The following TRIM61 variants were observed in gnomAD, a reference collection of about 807,000 sequenced individuals.
TRIM61 encodes tripartite motif containing 61.
In TRIM61, 1 loss-of-function variant was observed where a neutral mutation model predicts 14.2. The ratio of observed to expected loss-of-function variants is 0.07; its 90% CI spans 0.03 to 0.33. The LOEUF (loss-of-function observed/expected upper bound fraction) is 0.33. Ranked by LOEUF, TRIM61 falls within the 10% of genes least tolerant of loss-of-function variation. TRIM61 has a pLI of 0.99. For missense variants in TRIM61, 19 were observed against 202.2 expected (o/e 0.09, Z 5.49); for synonymous variants, 8 against 71.6 (o/e 0.11, Z 4.49).
At chr4:164,957,611 A>C in intron 3 of TRIM61, 1 of 1,138,706 alleles carries the variant, frequency 8.8e-7, no homozygotes, top group South Asian at 1.7e-5. Context: ...CTAAAAATAC[A>C]TGAATGCTAC....
chr4:164,977,518 C>G lies in TRIM61; in HGVS notation c.-476+13G>C, dbSNP rs146577558. The G allele has an allele frequency of 6.6e-6, 1 of 152,330 alleles. No individual in the cohort carries two copies. The highest frequency in any genetic ancestry group is 1.5e-5 in the Non-Finnish European group (1 of 68,126). 9.4% of individuals were successfully genotyped at this position (152,330 alleles called of 1,614,324 possible). On this transcript the variant is annotated intron_variant, in intron 1 of 4. Coordinates refer to ENST00000329314, the MANE Select transcript of TRIM61 (RefSeq NM_001012414.3). ...GGCCCTTCTGGGCCTTTCCTGCGGC[C>G]TTCCCAGCTCACCTGGAGCAGACGG... is the stretch of plus-strand genomic sequence containing the variant.
At chr4:164,956,404 C>A (rs1426419938) in intron 3 of TRIM61, among the ~76,000 whole-genome samples, 1 of 151,870 alleles carries the variant, frequency 6.6e-6, no homozygotes, top group African/African-American at 2.4e-5. Context: ...TTTCATACAT[C>A]CATAATAGTA....
intron 3 of TRIM61, chr4:164,957,130 G>A: frequency 6.2e-7 from 1 of 1,601,120 alleles, no homozygotes; most frequent in Non-Finnish European, 8.5e-7. Context: ...TGCGTTCCTG[G>A]TGCAGGGCTT....
chr4:164,972,250 C>T lies in TRIM61; in HGVS notation c.-337-1911G>A, dbSNP rs575925595. On this transcript the variant is annotated intron_variant, in intron 2 of 4. Transcript: ENST00000329314. ...AAAATCGATGTGTCTTTTTTTGAAT[C>T]GCATTTCTTTGACCTGTAAAATGGG... is the stretch of plus-strand genomic sequence containing the variant. Among the ~76,000 whole-genome samples, 13 of 152,168 alleles carry T rather than the reference C, an allele frequency of 8.5e-5. No homozygotes were observed. In the South Asian group the frequency reaches 2.3e-3, roughly 27 times the overall value.
intron 3 of TRIM61, chr4:164,969,381 C>T: frequency 6.3e-7 from 1 of 1,587,180 alleles, no homozygotes; most frequent in Non-Finnish European, 8.5e-7. Context: ...TCCATCTCTT[C>T]ATCTTGTAAT....
chr4:164,972,218 T>A (rs1045661779), intron 2 of TRIM61, among the ~76,000 whole-genome samples: 1 of 152,216 alleles, frequency 6.6e-6, no homozygotes, highest in Admixed American at 6.5e-5. Flanking sequence ...TGACTGTGTA[T>A]CTTTAGAAAA....
chr4:164,956,493 C>A (rs11100583), intron 3 of TRIM61, among the ~76,000 whole-genome samples: 1 of 152,140 alleles, frequency 6.6e-6, no homozygotes, highest in East Asian at 1.9e-4. Context: ...ATAACCCCAG[C>A]AACTTCTCCT....
chr4:164,970,376 A>G (rs1235963209), intron 2 of TRIM61, 37 bp from the exon 3 acceptor site: 4 of 219,408 alleles, frequency 1.8e-5, no homozygotes, highest in Non-Finnish European at 3.6e-5. Flanking sequence ...AAAATTCCAT[A>G]ATCACAAATG....
intron 3 of TRIM61, among the ~76,000 whole-genome samples, chr4:164,960,499 G>A (rs1732108637): frequency 6.6e-6 from 1 of 151,220 alleles, no homozygotes; most frequent in South Asian, 2.1e-4. Flanking sequence ...AGGTTGCAGT[G>A]AGCCGAGATG....
chr4:164,960,992 A>G (rs2111135267), intron 3 of TRIM61, among the ~76,000 whole-genome samples: 1 of 151,996 alleles, frequency 6.6e-6, no homozygotes, highest in East Asian at 1.9e-4. Context: ...ACCTCAGTAT[A>G]TATTTTCCTA....
At chr4:164,973,413 T>C (rs1393405333) in intron 2 of TRIM61, among the ~76,000 whole-genome samples, 1 of 152,252 alleles carries the variant, frequency 6.6e-6, no homozygotes, top group African/African-American at 2.4e-5. Context: ...AACTTAGATT[T>C]TTCATATTTG....
intron 3 of TRIM61, chr4:164,956,971 T>C: frequency 6.9e-7 from 1 of 1,439,918 alleles, no homozygotes; most frequent in Non-Finnish European, 9.2e-7. Flanking sequence ...GGTGAGACCG[T>C]GAAGGTGTGG....
chr4:164,974,179 G>T (rs1169510190), intron 2 of TRIM61, among the ~76,000 whole-genome samples: 3 of 152,140 alleles, frequency 2.0e-5, no homozygotes, highest in Non-Finnish European at 2.9e-5. Context: ...CAAAAAAGCA[G>T]CACATTGACA....
intron 3 of TRIM61, among the ~76,000 whole-genome samples, chr4:164,966,492 CCAAAAGAGCTGAGGAGTT>C (rs1463131565): frequency 6.6e-6 from 1 of 152,042 alleles, no homozygotes; most frequent in African/African-American, 2.4e-5. Context: ...AAAGTAAATA[CCAAAAGAGCTGAGGAGTT>C]CAAAGTGACT....
chr4:164,972,530 C>T (rs1732392989), intron 2 of TRIM61, among the ~76,000 whole-genome samples: 1 of 152,114 alleles, frequency 6.6e-6, no homozygotes, highest in Non-Finnish European at 1.5e-5. Flanking sequence ...GTTCTGTGGC[C>T]CAGGCTTGAG....
rs535510621 is a variant in TRIM61 at position 164,967,020 on chromosome 4, C to T, written c.525+2458G>A. Among the ~76,000 whole-genome samples, 9 of 152,188 alleles carry T rather than the reference C, an allele frequency of 5.9e-5. No homozygotes were observed. The South Asian group carries it at 8.3e-4, about 14-fold the overall frequency. ...CCTGCCCATGACATGACTATCTCTACGGAAACTCCAATGGAATCTAAACAA... is the reference window on the plus strand; with the variant it reads ...CCTGCCCATGACATGACTATCTCTATGGAAACTCCAATGGAATCTAAACAA... On this transcript the variant is annotated intron_variant, in intron 3 of 4. Coordinates refer to ENST00000329314, the MANE Select transcript of TRIM61 (RefSeq NM_001012414.3).
chr4:164,962,375 C>T (rs903206094), intron 3 of TRIM61, among the ~76,000 whole-genome samples: 1 of 149,564 alleles, frequency 6.7e-6, no homozygotes, highest in Non-Finnish European at 1.5e-5. Context: ...CGCCTGCCAC[C>T]ATGCCTGGCT....
chr4:164,960,210 T>A (rs1333405786), intron 3 of TRIM61, among the ~76,000 whole-genome samples: 1 of 151,892 alleles, frequency 6.6e-6, no homozygotes, highest in East Asian at 1.9e-4. Flanking sequence ...CTGCCAACAC[T>A]CATAATTTGG....
intron 2 of TRIM61, among the ~76,000 whole-genome samples, chr4:164,972,346 C>T (rs1314770331): frequency 6.6e-6 from 1 of 152,200 alleles, no homozygotes; most frequent in Non-Finnish European, 1.5e-5. Flanking sequence ...ACCAAAGGAG[C>T]TTTCTGTTAG....
Sources: allele counts gnomAD v4.1 joint callset (sites outside exome capture counted in the v4.1 genomes callset), GRCh38; gene constraint gnomAD v4.1.1; transcripts MANE v1.5; gene names NCBI Gene and HGNC (gene_info 2026-07-23, HGNC 2026-07-21).